Variants in SPMIP2 observed in about 807,000 individuals in gnomAD.
SPMIP2 encodes the protein sperm microtubule inner protein 2, also known as protein SPMIP2.
chr4:158,983,492 C>A, the SPMIP2 span, among the ~76,000 whole-genome samples: 1 of 151,618 alleles, frequency 6.6e-6, no homozygotes, highest in South Asian at 2.1e-4. Flanking sequence ...CCAGAAGAGA[C>A]TGGGGGCCAA....
At chr4:158,914,039 A>G in the SPMIP2 span, among the ~76,000 whole-genome samples, 1 of 151,446 alleles carries the variant, frequency 6.6e-6, no homozygotes, top group South Asian at 2.1e-4. Flanking sequence ...AATCAAAATA[A>G]GAAGTCTTTT....
the SPMIP2 span, among the ~76,000 whole-genome samples, chr4:159,068,050 C>A: frequency 7.9e-4 from 121 of 152,266 alleles, 1 homozygote; most frequent in Non-Finnish European, 2.1e-4. Context: ...GGACACTTTT[C>A]CACTGTTGGT....
the SPMIP2 span, among the ~76,000 whole-genome samples, chr4:158,989,809 A>G: frequency 6.6e-6 from 1 of 152,244 alleles, no homozygotes; most frequent in Non-Finnish European, 1.5e-5. Flanking sequence ...ACCATTCAGG[A>G]CATAGGTATG....
the SPMIP2 span, among the ~76,000 whole-genome samples, chr4:158,977,257 T>G: frequency 6.6e-6 from 1 of 152,214 alleles, no homozygotes; most frequent in African/African-American, 2.4e-5. Context: ...TATTAATTAC[T>G]ACCTCAATTT....
the SPMIP2 span, among the ~76,000 whole-genome samples, chr4:159,002,483 A>G: frequency 2.6e-5 from 4 of 152,228 alleles, no homozygotes; most frequent in Admixed American, 2.6e-4. Context: ...GTTGGTCTCA[A>G]CTCCTGGCCT....
chr4:159,019,885 T>A, the SPMIP2 span, among the ~76,000 whole-genome samples: 2 of 152,088 alleles, frequency 1.3e-5, no homozygotes, highest in African/African-American at 4.8e-5. Flanking sequence ...TGGGGGACAA[T>A]AAATTAGAGT....
At chr4:159,076,372 T>A in the SPMIP2 span, among the ~76,000 whole-genome samples, 3 of 152,234 alleles carry the variant, frequency 2.0e-5, no homozygotes, top group Non-Finnish European at 2.9e-5. Flanking sequence ...CATGGTTACT[T>A]CTATTTTTGT....
chr4:158,994,787 CAT>C, the SPMIP2 span, among the ~76,000 whole-genome samples: 1 of 152,184 alleles, frequency 6.6e-6, no homozygotes, highest in African/African-American at 2.4e-5. Context: ...GCACGTCTGA[CAT>C]GTGCACATAG....
the SPMIP2 span, among the ~76,000 whole-genome samples, chr4:159,079,043 G>A: frequency 1.3e-5 from 2 of 152,072 alleles, no homozygotes; most frequent in East Asian, 3.8e-4. Flanking sequence ...ACTTGAACCT[G>A]GGAGGTGGAG....
At chr4:159,033,287 G>T in the SPMIP2 span, among the ~76,000 whole-genome samples, 1 of 151,774 alleles carries the variant, frequency 6.6e-6, no homozygotes, top group Non-Finnish European at 1.5e-5. Flanking sequence ...GTTGCCAGGA[G>T]CTAGGGGGAA....
chr4:159,044,368 C>CAAA, the SPMIP2 span, among the ~76,000 whole-genome samples: 13 of 100,250 alleles, frequency 1.3e-4, no homozygotes, highest in African/African-American at 1.4e-4. Flanking sequence ...GACTCCATCT[C>CAAA]AAAAAAAAAA....
chr4:159,024,252 G>A, the SPMIP2 span, among the ~76,000 whole-genome samples: 1 of 152,146 alleles, frequency 6.6e-6, no homozygotes, highest in African/African-American at 2.4e-5. Flanking sequence ...TTGAAGACAT[G>A]GATAATCTTC....
At chr4:159,072,413 T>C in the SPMIP2 span, among the ~76,000 whole-genome samples, 1 of 151,992 alleles carries the variant, frequency 6.6e-6, no homozygotes. Context: ...TTTTCTGTTA[T>C]AGTGTTTTAA....
chr4:159,032,785 T>TC, the SPMIP2 span, among the ~76,000 whole-genome samples: 20 of 150,982 alleles, frequency 1.3e-4, 1 homozygote, highest in East Asian at 3.3e-3. Context: ...ACCTTTCTTT[T>TC]TTTTTTTTTT....
At chr4:158,946,453 G>A in the SPMIP2 span, among the ~76,000 whole-genome samples, 6 of 152,150 alleles carry the variant, frequency 3.9e-5, no homozygotes, top group African/African-American at 1.4e-4. Context: ...TCATGGGGGC[G>A]GTTTCCCCCA....
At chr4:158,898,021 G>A in the SPMIP2 span, among the ~76,000 whole-genome samples, 1 of 152,192 alleles carries the variant, frequency 6.6e-6, no homozygotes, top group Non-Finnish European at 1.5e-5. Flanking sequence ...TGTAAAAGGT[G>A]TAATGAAGGG....
At chr4:159,024,948 CACTAAGTACTCTGTACATATT>C in the SPMIP2 span, among the ~76,000 whole-genome samples, 1 of 152,170 alleles carries the variant, frequency 6.6e-6, no homozygotes, top group Non-Finnish European at 1.5e-5. Context: ...ACATGCCAGA[CACTAAGTACTCTGTACATATT>C]ACCCCATTAA....
At chr4:159,054,393 G>A in the SPMIP2 span, among the ~76,000 whole-genome samples, 1 of 152,088 alleles carries the variant, frequency 6.6e-6, no homozygotes, top group Admixed American at 6.5e-5. Flanking sequence ...CATCTTGCAT[G>A]GATGCAGGAA....
the SPMIP2 span, among the ~76,000 whole-genome samples, chr4:158,975,394 AT>A: frequency 6.6e-6 from 1 of 152,080 alleles, no homozygotes; most frequent in African/African-American, 2.4e-5. Flanking sequence ...CCTGAATGGT[AT>A]TGCCTAGGTT....
Sources: allele counts gnomAD v4.1 joint callset (sites outside exome capture counted in the v4.1 genomes callset), GRCh38; gene constraint gnomAD v4.1.1; transcripts MANE v1.5; gene names NCBI Gene and HGNC (gene_info 2026-07-23, HGNC 2026-07-21).